SPHKAP: variants seen among roughly 807,000 people sequenced by gnomAD.
The protein encoded by SPHKAP is A-kinase anchor protein SPHKAP.
Under a neutral mutation model 137.5 loss-of-function variants are expected in SPHKAP, and 67 were observed. The observed-to-expected ratio is 0.49, with a 90% CI of 0.40 to 0.60. The LOEUF (loss-of-function observed/expected upper bound fraction) is 0.60. SPHKAP is among the 20% of genes least tolerant of loss of function. SPHKAP has a pLI of 0.00. For synonymous variants in SPHKAP, 813 were observed against 785.3 expected (o/e 1.04, Z -0.59); for missense variants, 2,097 against 2,069.3 (o/e 1.01, Z -0.26).
chr2:228,028,304 A>T (rs2106232419), intron 3 of SPHKAP, among the ~76,000 whole-genome samples: 1 of 152,344 alleles, frequency 6.6e-6, no homozygotes, highest in Non-Finnish European at 1.5e-5. Flanking sequence ...TGTAGTGCAT[A>T]ATAAGCCAGG....
chr2:228,052,581 T>C (rs1277654049), intron 3 of SPHKAP, among the ~76,000 whole-genome samples: 1 of 152,186 alleles, frequency 6.6e-6, no homozygotes, highest in East Asian at 1.9e-4. Flanking sequence ...CCTGGAAGTC[T>C]ATACGAGTCA....
intron 2 of SPHKAP, among the ~76,000 whole-genome samples, chr2:228,111,818 A>G (rs12613751): frequency 0.34 from 51,930 of 151,566 alleles, 9,092 homozygotes; most frequent in East Asian, 0.5. Flanking sequence ...GTGAAATTAC[A>G]GAAGAGGGCT....
chr2:228,127,582 C>T (rs12620478), intron 2 of SPHKAP, among the ~76,000 whole-genome samples: 51,978 of 151,994 alleles, frequency 0.34, 9,165 homozygotes, highest in East Asian at 0.51. Context: ...GACTTCTTCA[C>T]TAATTTGCAG....
chr2:228,006,131 G>T (rs545578613), intron 7 of SPHKAP, among the ~76,000 whole-genome samples: 26 of 152,308 alleles, frequency 1.7e-4, no homozygotes, highest in African/African-American at 6.0e-4. Flanking sequence ...ATTCTGCAGA[G>T]TGTTTTCCAA....
At chr2:228,138,183 G>A (rs937019050) in intron 1 of SPHKAP, among the ~76,000 whole-genome samples, 1 of 152,130 alleles carries the variant, frequency 6.6e-6, no homozygotes, top group Non-Finnish European at 1.5e-5. Context: ...GGCCTGTCTA[G>A]TAAGCACCCC....
chr2:228,002,528 T>C (rs1242828739), intron 7 of SPHKAP, among the ~76,000 whole-genome samples: 1 of 152,234 alleles, frequency 6.6e-6, no homozygotes, highest in Admixed American at 6.5e-5. Context: ...GCCTGTTCAC[T>C]CTGATGGTAG....
chr2:228,005,754 C>A (rs563937480), intron 7 of SPHKAP, among the ~76,000 whole-genome samples: 17 of 152,250 alleles, frequency 1.1e-4, no homozygotes, highest in Admixed American at 4.6e-4. Flanking sequence ...GGTGGTGACA[C>A]AATCTCTCAG....
intron 2 of SPHKAP, among the ~76,000 whole-genome samples, chr2:228,110,391 A>C (rs1698481805): frequency 6.6e-6 from 1 of 152,148 alleles, no homozygotes; most frequent in Admixed American, 6.5e-5. Flanking sequence ...ATTTTCATTA[A>C]TAAATTTTCA....
At chr2:228,177,679 T>C (rs1189219651) in intron 1 of SPHKAP, among the ~76,000 whole-genome samples, 1 of 152,164 alleles carries the variant, frequency 6.6e-6, no homozygotes, top group Non-Finnish European at 1.5e-5. Context: ...AAAAAATCAA[T>C]TTTATTTTTC....
At chr2:228,103,490 A>G (rs545301263) in intron 3 of SPHKAP, among the ~76,000 whole-genome samples, 1 of 152,348 alleles carries the variant, frequency 6.6e-6, no homozygotes, top group East Asian at 1.9e-4. Context: ...TGGAAGAAAC[A>G]GAACTTATCC....
rs1353856401 is a variant in SPHKAP, at chr2:228,027,974, AAAG to A, written c.247-434_247-432del. On this transcript the variant is annotated intron_variant, in intron 3 of 11. Coordinates refer to ENST00000392056, the MANE Select transcript of SPHKAP (RefSeq NM_001142644.2). Reference sequence around the variant, plus strand: ...AGACTGCATCTGAAAAAAAAAAAAAAAAGAAAAAAGAAAAAAAGAAATAGTAAT... The same window carrying A: ...AGACTGCATCTGAAAAAAAAAAAAAAAAAAAAGAAAAAAAGAAATAGTAAT... The A allele has an allele frequency of 1.8e-3, 1,795 of 972,020 alleles. 17 individuals are homozygous for A. In the African/African-American group the frequency reaches 0.029, roughly 16 times the overall value. 60.2% of individuals were successfully genotyped at this position (972,020 alleles called of 1,614,324 possible). A position where few individuals can be genotyped will look rare whatever the true frequency, so the allele number is the denominator to read the frequency against.
intron 3 of SPHKAP, among the ~76,000 whole-genome samples, chr2:228,046,712 G>C (rs1302878557): frequency 6.6e-6 from 1 of 152,066 alleles, no homozygotes; most frequent in Non-Finnish European, 1.5e-5. Flanking sequence ...AAAGAATAAA[G>C]AAAAATTCTT....
intron 3 of SPHKAP, among the ~76,000 whole-genome samples, chr2:228,066,688 A>C (rs761127597): frequency 1.3e-5 from 2 of 152,200 alleles, no homozygotes; most frequent in South Asian, 2.1e-4. Context: ...CAACAGTGAC[A>C]AATCATGCTC....
intron 1 of SPHKAP, among the ~76,000 whole-genome samples, chr2:228,176,600 G>A (rs1280320216): frequency 6.6e-6 from 1 of 152,216 alleles, no homozygotes; most frequent in African/African-American, 2.4e-5. Flanking sequence ...ACAGGGCTGG[G>A]CACGTGGCTC....
At chr2:228,130,689 A>G (rs1473605465) in intron 2 of SPHKAP, among the ~76,000 whole-genome samples, 2 of 152,208 alleles carry the variant, frequency 1.3e-5, no homozygotes, top group East Asian at 3.9e-4. Flanking sequence ...GGAGTTATAG[A>G]GTTCAACAGA....
chr2:228,091,212 T>C (rs1475122109), intron 3 of SPHKAP, among the ~76,000 whole-genome samples: 2 of 151,464 alleles, frequency 1.3e-5, no homozygotes, highest in African/African-American at 4.9e-5. Context: ...AAAGCTAGAG[T>C]GACTATACTA....
At chr2:228,152,383 T>C (rs1217515350) in intron 1 of SPHKAP, among the ~76,000 whole-genome samples, 2 of 152,202 alleles carry the variant, frequency 1.3e-5, no homozygotes, top group Admixed American at 6.5e-5. Flanking sequence ...TTTACCATTA[T>C]ACTTTATTTC....
chr2:228,118,359 A>C (rs1009645487), intron 2 of SPHKAP, among the ~76,000 whole-genome samples: 5 of 151,542 alleles, frequency 3.3e-5, no homozygotes, highest in Non-Finnish European at 4.4e-5. Context: ...TTTATGTCTA[A>C]ATTTAAGGTT....
chr2:228,120,469 A>G (rs1250945816), intron 2 of SPHKAP, among the ~76,000 whole-genome samples: 1 of 152,142 alleles, frequency 6.6e-6, no homozygotes, highest in Non-Finnish European at 1.5e-5. Flanking sequence ...TTCGGAATTT[A>G]TGTCCCCATA....
Sources: allele counts gnomAD v4.1 joint callset (sites outside exome capture counted in the v4.1 genomes callset), GRCh38; gene constraint gnomAD v4.1.1; transcripts MANE v1.5; gene names NCBI Gene and HGNC (gene_info 2026-07-23, HGNC 2026-07-21).